Variants in PPP1R14D observed in about 807,000 individuals in gnomAD.
The protein encoded by PPP1R14D is protein phosphatase 1 regulatory inhibitor subunit 14D, also known as protein phosphatase 1 regulatory subunit 14D.
A neutral mutation model predicts 17.1 loss-of-function variants in PPP1R14D; 14 were observed. The ratio of observed to expected loss-of-function variants is 0.82; its 90% confidence interval spans 0.54 to 1.28. The LOEUF (loss-of-function observed/expected upper bound fraction) is 1.28, where lower values mean the gene tolerates loss of function less well. Among genes scored for constraint, PPP1R14D ranks in the 50% most tolerant of loss-of-function variants. The pLI, the probability that PPP1R14D is intolerant of heterozygous loss-of-function variation, is 0.00. For synonymous variants in PPP1R14D, 67 were observed against 66.1 expected, an observed-to-expected ratio of 1.01 and a Z score of -0.06; for missense variants, 173 against 179.2, an observed-to-expected ratio of 0.97 and a Z score of 0.20.
chr15:40,817,402 A>C (rs1890691978), intron 1 of PPP1R14D: 2 of 154,478 alleles, frequency 1.3e-5, no homozygotes, highest in African/African-American at 4.8e-5. Context: ...GAACAACACA[A>C]TTGAAAAATG....
At chr15:40,827,757 C>CAAA (rs573112640) in intron 1 of PPP1R14D, among the ~76,000 whole-genome samples, 7 of 149,802 alleles carry the variant, frequency 4.7e-5, no homozygotes, top group African/African-American at 1.7e-4. Context: ...GCCGTCTCTA[C>CAAA]AAAAAAAAAT....
chr15:40,825,673 G>C (rs957166653), intron 1 of PPP1R14D, among the ~76,000 whole-genome samples: 1 of 152,234 alleles, frequency 6.6e-6, no homozygotes, highest in Admixed American at 6.5e-5. Context: ...GAATGGAGCA[G>C]AGTAAGGCTG....
At chr15:40,823,372 G>T (rs549537080) in intron 1 of PPP1R14D, among the ~76,000 whole-genome samples, 1 of 152,182 alleles carries the variant, frequency 6.6e-6, no homozygotes, top group East Asian at 1.9e-4. Context: ...CCTCTCAAGT[G>T]CTGGGATTAC....
chr15:40,816,314 A>G, intron 1 of PPP1R14D, 61 bp from the exon 2 acceptor site: 2 of 1,362,572 alleles, frequency 1.5e-6, no homozygotes, highest in Admixed American at 3.4e-5. Context: ...AATGAAGGTT[A>G]CTGTCAGGGA....
At chr15:40,826,542 A>G (rs531237254) in intron 1 of PPP1R14D, among the ~76,000 whole-genome samples, 1 of 152,090 alleles carries the variant, frequency 6.6e-6, no homozygotes, top group South Asian at 2.1e-4. Flanking sequence ...TTTCTTAAGT[A>G]TTTCAAGTGT....
intron 1 of PPP1R14D, among the ~76,000 whole-genome samples, chr15:40,825,979 C>T (rs1453149152): frequency 8.5e-5 from 13 of 152,126 alleles, no homozygotes; most frequent in Admixed American, 7.2e-4. Context: ...GGATTTGCCC[C>T]GGAATGTCAG....
intron 1 of PPP1R14D, among the ~76,000 whole-genome samples, chr15:40,826,167 G>A (rs113754245): frequency 5.3e-5 from 8 of 152,150 alleles, no homozygotes; most frequent in African/African-American, 1.9e-4. Flanking sequence ...GAGTGGGCTT[G>A]GGAGGTAGAT....
rs1890910004 is a variant in PPP1R14D at position 40,828,443 on chromosome 15, G to C, written c.199C>G (p.Gln67Glu). ...CATTGCTCCATCTCCAGCCAGCGCT[G>C]GAGCTGGCCCCGGTCATACTTCACT... ...LTVKYDRGQL[Q>E]RWLEMEQWVD... is the part of the protein sequence containing the mutation. Residue 67 changes from glutamine (Q) to glutamate (E), a missense_variant, in exon 1 of 4, where the codon CAG becomes GAG. Coordinates refer to ENST00000299174, the MANE Select transcript of PPP1R14D (RefSeq NM_017726.8). 4 of 1,613,904 alleles carry C rather than the reference G, an allele frequency of 2.5e-6. No individual in the cohort carries two copies. Among genetic ancestry groups the C allele is most frequent in the Admixed American group, 1.7e-5 (1 of 59,980 alleles).
chr15:40,818,209 A>T (rs1421772262), intron 1 of PPP1R14D, among the ~76,000 whole-genome samples: 1 of 150,572 alleles, frequency 6.6e-6, no homozygotes, highest in African/African-American at 2.5e-5. Flanking sequence ...GAATGGTGTG[A>T]ACCCGGGAGG....
chr15:40,823,643 A>T (rs1195793715), intron 1 of PPP1R14D, among the ~76,000 whole-genome samples: 1 of 152,186 alleles, frequency 6.6e-6, no homozygotes, highest in Non-Finnish European at 1.5e-5. Flanking sequence ...AGCTGCCCAC[A>T]GTATTCAGTA....
At chr15:40,821,302 T>C (rs1398676337) in intron 1 of PPP1R14D, among the ~76,000 whole-genome samples, 3 of 151,960 alleles carry the variant, frequency 2.0e-5, no homozygotes, top group Non-Finnish European at 4.4e-5. Context: ...CCATTTGCAC[T>C]CCTGCCTGGG....
intron 1 of PPP1R14D, among the ~76,000 whole-genome samples, chr15:40,816,696 G>C: frequency 6.6e-6 from 1 of 151,706 alleles, no homozygotes; most frequent in East Asian, 1.9e-4. Flanking sequence ...CTCCATCCTG[G>C]GTGACAGAGG....
chr15:40,816,363 TCTCCTCA>T, intron 1 of PPP1R14D, 110 bp from the exon 2 acceptor site: 1 of 842,894 alleles, frequency 1.2e-6, no homozygotes, highest in Non-Finnish European at 2.0e-6. Flanking sequence ...GGTTAGACTT[TCTCCTCA>T]CTCAGAACAC....
intron 1 of PPP1R14D, chr15:40,817,281 C>T (rs563582099): frequency 7.9e-5 from 23 of 290,700 alleles, no homozygotes; most frequent in Non-Finnish European, 1.3e-4. Context: ...CGATTGAACC[C>T]GGGAGGCAGA....
At chr15:40,822,366 C>T (rs1463112043) in intron 1 of PPP1R14D, among the ~76,000 whole-genome samples, 1 of 150,834 alleles carries the variant, frequency 6.6e-6, no homozygotes, top group African/African-American at 2.4e-5. Flanking sequence ...TTTAGTGTAG[C>T]AGCTGGTTAT....
At chr15:40,824,394 A>AG (rs1310504273) in intron 1 of PPP1R14D, among the ~76,000 whole-genome samples, 2 of 149,418 alleles carry the variant, frequency 1.3e-5, no homozygotes, top group Non-Finnish European at 3.0e-5. Flanking sequence ...TTTTTGAGAT[A>AG]GGGTCTTGCT....
chr15:40,823,553 T>C (rs1043205390), intron 1 of PPP1R14D, among the ~76,000 whole-genome samples: 2 of 152,204 alleles, frequency 1.3e-5, no homozygotes, highest in East Asian at 3.8e-4. Flanking sequence ...TATATAGTTG[T>C]GCCATTTAAA....
intron 1 of PPP1R14D, among the ~76,000 whole-genome samples, chr15:40,819,538 CAA>C (rs201466372): frequency 2.4e-3 from 283 of 117,202 alleles, no homozygotes; most frequent in African/African-American, 7.8e-3. Flanking sequence ...CTCTCTTTCT[CAA>C]AAAAAAAAAA....
chr15:40,825,777 G>A (rs1048810040), intron 1 of PPP1R14D, among the ~76,000 whole-genome samples: 1 of 152,190 alleles, frequency 6.6e-6, no homozygotes, highest in Non-Finnish European at 1.5e-5. Flanking sequence ...AGCAGGGATT[G>A]GGAGAGAAAC....
Sources: gnomAD v4.1 joint callset for allele counts (sites outside exome capture counted in the v4.1 genomes callset) on GRCh38, gnomAD v4.1.1 for gene constraint, MANE v1.5 for transcripts, NCBI Gene and HGNC (gene_info 2026-07-23, HGNC 2026-07-21) for gene names.